The following NAALADL2 variants were observed in gnomAD, a reference collection of about 807,000 sequenced individuals.
NAALADL2 encodes N-acetylated alpha-linked acidic dipeptidase like 2.
NAALADL2 carries 76 observed loss-of-function variants against 87.2 expected under a neutral mutation model. That is an observed-to-expected ratio of 0.87 (90% CI 0.72 to 1.05). NAALADL2 has a LOEUF of 1.05. Among genes scored for constraint, NAALADL2 ranks in the 50% least tolerant of loss-of-function variants. The pLI, the probability that NAALADL2 is intolerant of heterozygous loss-of-function variation, is 0.00. For synonymous variants in NAALADL2, 354 were observed against 331.0 expected (o/e 1.07, Z -0.75); for missense variants, 1,089 against 945.8 (o/e 1.15, Z -1.99).
intron 2 of NAALADL2, among the ~76,000 whole-genome samples, chr3:175,148,750 A>C (rs142641432): frequency 1.3e-5 from 2 of 152,120 alleles, no homozygotes; most frequent in East Asian, 3.9e-4. Context: ...TCAGATGACC[A>C]TAAGTGTACA....
At chr3:174,948,731 G>T (rs915539856) in intron 1 of NAALADL2, among the ~76,000 whole-genome samples, 1 of 152,018 alleles carries the variant, frequency 6.6e-6, no homozygotes, top group Admixed American at 6.6e-5. Context: ...CTCAAAAACT[G>T]GGGGCTGGAA....
At chr3:174,732,036 C>G (rs1732750380) in intron 2 of NAALADL2, among the ~76,000 whole-genome samples, 1 of 152,102 alleles carries the variant, frequency 6.6e-6, no homozygotes, top group African/African-American at 2.4e-5. Flanking sequence ...CTTATAAAAA[C>G]AGGCATCCGG....
chr3:175,345,940 C>T (rs1763108923), intron 5 of NAALADL2, among the ~76,000 whole-genome samples: 1 of 152,060 alleles, frequency 6.6e-6, no homozygotes, highest in South Asian at 2.1e-4. Flanking sequence ...ATTTACCCTA[C>T]CCAGAATAGT....
Position 175,256,393 on chromosome 3 carries a change from T to A in NAALADL2, c.820-18T>A. On this transcript the variant is annotated intron_variant, in intron 3 of 13. Transcript: ENST00000454872. ...TCCTCTGAGGCTTTATTTTTCTTTGTTTTTTCTCCTCTTTCAGGCTGAAGT... is the reference window on the plus strand; with the variant it reads ...TCCTCTGAGGCTTTATTTTTCTTTGATTTTTCTCCTCTTTCAGGCTGAAGT... 1.3e-6 allele frequency: 2 copies of A among 1,592,518 alleles called. No homozygotes were observed. Among genetic ancestry groups the A allele is most frequent in the Non-Finnish European group, 8.5e-7 (1 of 1,172,672 alleles).
At chr3:175,789,417 C>CTTAATGTATTTTATACAAT (rs1244775193) in intron 13 of NAALADL2, among the ~76,000 whole-genome samples, 1 of 152,154 alleles carries the variant, frequency 6.6e-6, no homozygotes, top group African/African-American at 2.4e-5. Flanking sequence ...ACTTAGTCAT[C>CTTAATGTATTTTATACAAT]TTAATGTATT....
intron 5 of NAALADL2, among the ~76,000 whole-genome samples, chr3:175,393,280 CAAAAAAAAAAAAAAAAAAAA>C (rs775778803): frequency 1.4e-4 from 4 of 29,516 alleles, no homozygotes; most frequent in African/African-American, 5.7e-4. Flanking sequence ...GACTCCGTCT[CAAAAAAAAAAAAAAAAAAAA>C]AAAAAAAAAA....
chr3:175,354,401 T>C (rs1283819153), intron 5 of NAALADL2, among the ~76,000 whole-genome samples: 1 of 152,154 alleles, frequency 6.6e-6, no homozygotes, highest in Non-Finnish European at 1.5e-5. Flanking sequence ...AGCATGAAGA[T>C]AATATTTAAT....
intron 2 of NAALADL2, among the ~76,000 whole-genome samples, chr3:174,596,051 CACAA>C (rs543213223): frequency 2.0e-5 from 3 of 151,800 alleles, no homozygotes; most frequent in South Asian, 4.2e-4. Flanking sequence ...AATAACAAAA[CACAA>C]ACAAAACAAC....
chr3:175,386,256 C>T (rs1163070441), intron 5 of NAALADL2, among the ~76,000 whole-genome samples: 1 of 151,796 alleles, frequency 6.6e-6, no homozygotes, highest in Non-Finnish European at 1.5e-5. Flanking sequence ...GCCCCCCTCC[C>T]ACTTTGTCCT....
chr3:175,214,151 T>G (rs574270949), intron 2 of NAALADL2, among the ~76,000 whole-genome samples: 28 of 152,296 alleles, frequency 1.8e-4, no homozygotes, highest in Middle Eastern at 3.4e-3. Context: ...GGCATTGCTT[T>G]TATGTTGATA....
chr3:175,229,096 A>C (rs1027703882), intron 2 of NAALADL2, among the ~76,000 whole-genome samples: 1 of 151,962 alleles, frequency 6.6e-6, no homozygotes, highest in Non-Finnish European at 1.5e-5. Context: ...GCTGTTAACA[A>C]CATGAGAATG....
chr3:175,691,703 T>C (rs770021648), intron 11 of NAALADL2, among the ~76,000 whole-genome samples: 4 of 152,074 alleles, frequency 2.6e-5, no homozygotes, highest in Non-Finnish European at 4.4e-5. Flanking sequence ...GGCTTTAGTA[T>C]ATCCACATTA....
At chr3:175,398,401 T>C (rs1225161526) in intron 5 of NAALADL2, among the ~76,000 whole-genome samples, 2 of 151,040 alleles carry the variant, frequency 1.3e-5, no homozygotes, top group African/African-American at 2.4e-5. Flanking sequence ...CCCGGTCCTT[T>C]AAAATCTTCT....
chr3:174,621,017 A>G (rs952480813), intron 2 of NAALADL2, among the ~76,000 whole-genome samples: 17 of 152,060 alleles, frequency 1.1e-4, no homozygotes, highest in Admixed American at 1.0e-3. Flanking sequence ...GACTAGGAAG[A>G]GCGTATTATG....
intron 5 of NAALADL2, among the ~76,000 whole-genome samples, chr3:175,371,423 G>A (rs1379055326): frequency 4.0e-5 from 6 of 151,842 alleles, no homozygotes; most frequent in African/African-American, 1.2e-4. Context: ...GCCCGCCACC[G>A]CGCCCGGCTA....
intron 5 of NAALADL2, among the ~76,000 whole-genome samples, chr3:175,445,235 CTA>C (rs1720501977): frequency 6.6e-6 from 1 of 152,088 alleles, no homozygotes; most frequent in South Asian, 2.1e-4. Flanking sequence ...TCCATTATCT[CTA>C]TTCTATTCGT....
At chr3:175,036,666 T>A (rs9869704) in intron 1 of NAALADL2, among the ~76,000 whole-genome samples, 3,611 of 152,270 alleles carry the variant, frequency 0.024, 159 homozygotes, top group African/African-American at 0.083. Flanking sequence ...CCCAAAGTGC[T>A]GGGATTACAG....
chr3:175,656,977 C>G (rs1015277223), intron 11 of NAALADL2, among the ~76,000 whole-genome samples: 1 of 152,142 alleles, frequency 6.6e-6, no homozygotes, highest in African/African-American at 2.4e-5. Flanking sequence ...TCGTGTATCA[C>G]TTTTATTTAA....
chr3:175,747,596 CATAAAGTACCCTTGCCTTCATATTA>C (rs1336887424), intron 12 of NAALADL2, among the ~76,000 whole-genome samples: 1 of 152,034 alleles, frequency 6.6e-6, no homozygotes, highest in Admixed American at 6.6e-5. Flanking sequence ...TGTAACAGAA[CATAAAGTACCCTTGCCTTCATATTA>C]ATCAATTTCA....
Sources: gnomAD v4.1 joint callset for allele counts (sites outside exome capture counted in the v4.1 genomes callset) on GRCh38, gnomAD v4.1.1 for gene constraint, MANE v1.5 for transcripts, NCBI Gene and HGNC (gene_info 2026-07-23, HGNC 2026-07-21) for gene names.